ROBO2: variants seen among roughly 807,000 people sequenced by gnomAD.
The protein encoded by ROBO2 is roundabout guidance receptor 2, also known as roundabout homolog 2.
Under a neutral mutation model 160.8 loss-of-function variants are expected in ROBO2, and 53 were observed. The ratio of observed to expected loss-of-function variants is 0.33; its 90% CI spans 0.26 to 0.41. ROBO2 has a LOEUF of 0.41. ROBO2 is among the 10% of genes least tolerant of loss of function. ROBO2 has a pLI of 1.00. For missense variants in ROBO2, 1,577 were observed against 1,722.4 expected (o/e 0.92, Z 1.49); for synonymous variants, 664 against 611.7 (o/e 1.09, Z -1.26).
rs532973252 is a variant in ROBO2, at chr3:76,630,692, T to C, written c.110-467322T>C. On this transcript the variant is annotated intron_variant, in intron 2 of 26. Transcript: ENST00000487694. Reference sequence around the variant, plus strand: ...TGGTGAATGGAGAAATTGACAAAGATTAAAAAATTTGAAGTGCTTGTTAAA... The same window carrying C: ...TGGTGAATGGAGAAATTGACAAAGACTAAAAAATTTGAAGTGCTTGTTAAA... Among the ~76,000 whole-genome samples the C allele has an allele frequency of 5.9e-5, 9 of 152,290 alleles. No homozygotes were observed. The East Asian group carries it at 1.5e-3, about 26-fold the overall frequency.
intron 2 of ROBO2, among the ~76,000 whole-genome samples, chr3:76,282,832 A>C (rs1708298666): frequency 6.6e-6 from 1 of 151,764 alleles, no homozygotes; most frequent in Non-Finnish European, 1.5e-5. Context: ...GCTTTGCAAA[A>C]ATCTCAGTAA....
At chr3:77,585,470 T>C (rs1384341857) in intron 16 of ROBO2, among the ~76,000 whole-genome samples, 7 of 152,096 alleles carry the variant, frequency 4.6e-5, no homozygotes, top group Non-Finnish European at 8.8e-5. Flanking sequence ...TTTAATTTAC[T>C]ATTTAGCATT....
intron 2 of ROBO2, among the ~76,000 whole-genome samples, chr3:76,992,553 G>GA (rs1032287468): frequency 9.1e-4 from 138 of 151,292 alleles, no homozygotes; most frequent in Non-Finnish European, 1.5e-3. Context: ...AATTTCGTGA[G>GA]AAAAAAAATC....
At chr3:76,583,112 C>T (rs2085807635) in intron 2 of ROBO2, among the ~76,000 whole-genome samples, 1 of 151,920 alleles carries the variant, frequency 6.6e-6, no homozygotes, top group African/African-American at 2.4e-5. Context: ...AAGTTTTGGT[C>T]CCTGGAGTGC....
At chr3:77,440,538 A>G (rs2079809445) in intron 2 of ROBO2, among the ~76,000 whole-genome samples, 1 of 152,192 alleles carries the variant, frequency 6.6e-6, no homozygotes, top group Admixed American at 6.6e-5. Context: ...CTTAGCCCAT[A>G]TATATGGGTC....
At chr3:76,580,342 G>GTTTTTTTTTTGTTTTTTTTTTTTTT (rs2085604163) in intron 2 of ROBO2, among the ~76,000 whole-genome samples, 1 of 90,562 alleles carries the variant, frequency 1.1e-5, no homozygotes, top group African/African-American at 4.4e-5. Flanking sequence ...TTTTTTTTGT[G>GTTTTTTTTTTGTTTTTTTTTTTTTT]TTTTTTTTTT....
chr3:77,415,837 T>C (rs920587922), intron 2 of ROBO2, among the ~76,000 whole-genome samples: 5 of 152,086 alleles, frequency 3.3e-5, no homozygotes, highest in Non-Finnish European at 5.9e-5. Context: ...GTTACATCAT[T>C]TCTGCTGCCC....
At chr3:76,675,342 C>A (rs1436820044) in intron 2 of ROBO2, among the ~76,000 whole-genome samples, 2 of 152,152 alleles carry the variant, frequency 1.3e-5, no homozygotes, top group African/African-American at 4.8e-5. Flanking sequence ...TCAGAGAGTA[C>A]TCGAAGCAAT....
intron 2 of ROBO2, among the ~76,000 whole-genome samples, chr3:77,375,857 G>C (rs976873690): frequency 2.0e-5 from 3 of 149,250 alleles, no homozygotes; most frequent in Non-Finnish European, 4.5e-5. Flanking sequence ...AGAAAAAATA[G>C]TACTGAAGTG....
intron 2 of ROBO2, among the ~76,000 whole-genome samples, chr3:76,411,416 A>G (rs1050804773): frequency 6.6e-6 from 1 of 152,192 alleles, no homozygotes. Flanking sequence ...ATAAAATCCT[A>G]GTAAGAAAAT....
At chr3:76,926,898 T>G (rs1372266261) in intron 2 of ROBO2, among the ~76,000 whole-genome samples, 2 of 151,794 alleles carry the variant, frequency 1.3e-5, no homozygotes, top group Middle Eastern at 3.4e-3. Flanking sequence ...GAGGACTCCG[T>G]TTTTTTTCAA....
intron 2 of ROBO2, among the ~76,000 whole-genome samples, chr3:76,555,426 A>AGAAGAAGAAGAAGAAAGAAGGG (rs2083715682): frequency 1.0e-5 from 1 of 96,972 alleles, no homozygotes; most frequent in African/African-American, 4.0e-5. Flanking sequence ...AGAAAGAAGG[A>AGAAGAAGAAGAAGAAAGAAGGG]GAAGGGGAAG....
chr3:77,213,836 A>G (rs1419971761), intron 2 of ROBO2, among the ~76,000 whole-genome samples: 3 of 151,862 alleles, frequency 2.0e-5, no homozygotes, highest in African/African-American at 7.3e-5. Context: ...TTCATTATGT[A>G]CCCAGTAGTC....
intron 2 of ROBO2, among the ~76,000 whole-genome samples, chr3:77,441,310 A>G (rs1236417221): frequency 6.6e-6 from 1 of 151,590 alleles, no homozygotes; most frequent in Non-Finnish European, 1.5e-5. Context: ...ATGTGCTGAT[A>G]CTAGATCAGG....
At chr3:76,703,199 T>C (rs2093083750) in intron 2 of ROBO2, among the ~76,000 whole-genome samples, 2 of 152,140 alleles carry the variant, frequency 1.3e-5, no homozygotes, top group Non-Finnish European at 2.9e-5. Context: ...GTTGAAATTG[T>C]GCAAAGAGAT....
At chr3:76,353,190 GT>G (rs1218662149) in intron 2 of ROBO2, among the ~76,000 whole-genome samples, 3 of 151,920 alleles carry the variant, frequency 2.0e-5, no homozygotes, top group Non-Finnish European at 4.4e-5. Flanking sequence ...ACAGAGGCAG[GT>G]CTGTCCTGAT....
At chr3:76,401,169 A>G (rs2077792622) in intron 2 of ROBO2, among the ~76,000 whole-genome samples, 1 of 151,564 alleles carries the variant, frequency 6.6e-6, no homozygotes, top group African/African-American at 2.4e-5. Context: ...ATCACAGATG[A>G]GTTGTGTAGT....
intron 2 of ROBO2, among the ~76,000 whole-genome samples, chr3:76,317,863 A>T (rs1354694226): frequency 6.6e-6 from 1 of 152,016 alleles, no homozygotes; most frequent in African/African-American, 2.4e-5. Context: ...CATATATATA[A>T]GATTTTGATA....
At chr3:77,204,564 G>A (rs903036407) in intron 2 of ROBO2, among the ~76,000 whole-genome samples, 4 of 151,998 alleles carry the variant, frequency 2.6e-5, no homozygotes, top group African/African-American at 9.7e-5. Context: ...TTTGTATTTT[G>A]AAACTTTTTA....
Sources: allele counts gnomAD v4.1 joint callset (sites outside exome capture counted in the v4.1 genomes callset), GRCh38; gene constraint gnomAD v4.1.1; transcripts MANE v1.5; gene names NCBI Gene and HGNC (gene_info 2026-07-23, HGNC 2026-07-21).